TENM2: variants seen among roughly 807,000 people sequenced by gnomAD.
TENM2 encodes teneurin transmembrane protein 2, also known as teneurin-2.
In TENM2, 52 loss-of-function variants were observed where a neutral mutation model predicts 245.2. That is an observed-to-expected ratio of 0.21 (90% CI 0.17 to 0.27). TENM2 has a LOEUF of 0.27. TENM2 is among the 10% of genes least tolerant of loss of function. TENM2 has a pLI of 1.00. For missense variants in TENM2, 3,046 were observed against 3,666.8 expected, an observed-to-expected ratio of 0.83 and a Z score of 4.37; for synonymous variants, 1,363 against 1,438.9, an observed-to-expected ratio of 0.95 and a Z score of 1.19.
chr5:167,046,651 T>C, the TENM2 span, among the ~76,000 whole-genome samples: 1 of 152,166 alleles, frequency 6.6e-6, no homozygotes, highest in African/African-American at 2.4e-5. Flanking sequence ...CCAAGCAGGC[T>C]GAAGTGTGCT....
intron 2 of TENM2, among the ~76,000 whole-genome samples, chr5:167,832,403 C>A (rs765411007): frequency 1.3e-5 from 2 of 152,238 alleles, no homozygotes; most frequent in Non-Finnish European, 2.9e-5. Flanking sequence ...GAAAGACCCC[C>A]AGCTTTGCTG....
At chr5:168,093,577 C>A (rs1315473892) in intron 8 of TENM2, among the ~76,000 whole-genome samples, 1 of 152,168 alleles carries the variant, frequency 6.6e-6, no homozygotes, top group Admixed American at 6.6e-5. Context: ...CTAAATATAT[C>A]TTTGACTCAG....
At chr5:167,040,767 C>T in the TENM2 span, among the ~76,000 whole-genome samples, 1 of 151,960 alleles carries the variant, frequency 6.6e-6, no homozygotes, top group African/African-American at 2.4e-5. Context: ...GTTTTACTGC[C>T]GTTAGAAGTC....
intron 2 of TENM2, among the ~76,000 whole-genome samples, chr5:167,630,143 T>A (rs1341794398): frequency 6.6e-6 from 1 of 152,146 alleles, no homozygotes; most frequent in Non-Finnish European, 1.5e-5. Flanking sequence ...TCCTTTTTTT[T>A]TTTTCCGTTA....
At chr5:167,124,681 A>C in the TENM2 span, among the ~76,000 whole-genome samples, 1 of 152,186 alleles carries the variant, frequency 6.6e-6, no homozygotes, top group Admixed American at 6.5e-5. Context: ...CCATCTGCTT[A>C]TCCCTGAGAG....
intron 5 of TENM2, among the ~76,000 whole-genome samples, chr5:168,023,675 A>G (rs574705439): frequency 6.6e-6 from 1 of 152,340 alleles, no homozygotes; most frequent in African/African-American, 2.4e-5. Flanking sequence ...GAGCCATCAG[A>G]CACGTAGGTG....
intron 3 of TENM2, among the ~76,000 whole-genome samples, chr5:167,928,918 AGAAGAAAG>A (rs1777982247): frequency 7.3e-6 from 1 of 136,190 alleles, no homozygotes; most frequent in African/African-American, 2.9e-5. Flanking sequence ...AAAAAAAAGA[AGAAGAAAG>A]AAGGAAAAAG....
At chr5:168,226,410 C>G (rs1764192338) in intron 24 of TENM2, 147 bp downstream of exon 26, 2 of 665,510 alleles carry the variant, frequency 3.0e-6, no homozygotes, top group African/African-American at 3.6e-5. Flanking sequence ...GTGTCCACAG[C>G]AAACTATAAG....
chr5:167,820,116 A>G (rs1415153103), intron 2 of TENM2, among the ~76,000 whole-genome samples: 2 of 152,124 alleles, frequency 1.3e-5, no homozygotes, highest in Non-Finnish European at 2.9e-5. Context: ...CCAGGGAAAG[A>G]GTCCTTTTCC....
chr5:167,289,695 C>T (rs1055397497), intron 1 of TENM2, among the ~76,000 whole-genome samples: 3 of 152,154 alleles, frequency 2.0e-5, no homozygotes, highest in African/African-American at 7.2e-5. Flanking sequence ...TATAATTTGG[C>T]ATAATGTACA....
chr5:167,721,500 C>T (rs958723907), intron 2 of TENM2: 8 of 152,182 alleles, frequency 5.3e-5, no homozygotes, highest in East Asian at 1.9e-4. Flanking sequence ...ATTCTTTCTT[C>T]GCTTGGATTC....
chr5:167,213,004 A>G, the TENM2 span, among the ~76,000 whole-genome samples: 1 of 152,232 alleles, frequency 6.6e-6, no homozygotes, highest in Admixed American at 6.5e-5. Context: ...TTGAAACAAT[A>G]TGATTTCTCC....
At chr5:167,499,274 A>G (rs6898655) in intron 2 of TENM2, among the ~76,000 whole-genome samples, 5,429 of 152,244 alleles carry the variant, frequency 0.036, 213 homozygotes, top group African/African-American at 0.095. Flanking sequence ...GGTTGCAAGC[A>G]GCGTAGAAAA....
intron 7 of TENM2, among the ~76,000 whole-genome samples, chr5:168,071,983 G>A (rs914657104): frequency 1.3e-5 from 2 of 152,296 alleles, no homozygotes; most frequent in Admixed American, 6.5e-5. Flanking sequence ...GAGAAGCTGC[G>A]CAGTGCCTGT....
chr5:167,750,022 C>G (rs1761854569), intron 2 of TENM2, among the ~76,000 whole-genome samples: 2 of 151,988 alleles, frequency 1.3e-5, no homozygotes. Flanking sequence ...TTGTCAAAAG[C>G]AATGGAGATG....
chr5:167,421,739 T>C (rs1338284389), intron 2 of TENM2, among the ~76,000 whole-genome samples: 1 of 152,134 alleles, frequency 6.6e-6, no homozygotes, highest in African/African-American at 2.4e-5. Flanking sequence ...GAATATAACA[T>C]GAGCTAGTAT....
chr5:167,355,083 C>G (rs1172648502), intron 1 of TENM2, among the ~76,000 whole-genome samples: 1 of 152,150 alleles, frequency 6.6e-6, no homozygotes, highest in Non-Finnish European at 1.5e-5. Context: ...CTTATGAGAT[C>G]CCCAAAAGCA....
intron 2 of TENM2, among the ~76,000 whole-genome samples, chr5:167,388,839 A>G (rs769189987): frequency 2.6e-5 from 4 of 151,936 alleles, no homozygotes; most frequent in Non-Finnish European, 1.5e-5. Context: ...ATTTCTAGTT[A>G]TATTCCACTG....
chr5:168,105,584 G>A (rs916435350), intron 9 of TENM2, among the ~76,000 whole-genome samples: 6 of 152,138 alleles, frequency 3.9e-5, no homozygotes, highest in African/African-American at 9.7e-5. Flanking sequence ...GTGAATCAAT[G>A]AACATAGCCA....
Sources: allele counts gnomAD v4.1 joint callset (sites outside exome capture counted in the v4.1 genomes callset), GRCh38; gene constraint gnomAD v4.1.1; transcripts MANE v1.5; gene names NCBI Gene and HGNC (gene_info 2026-07-23, HGNC 2026-07-21).